The following MALT1 variants were observed in gnomAD, a reference collection of about 807,000 sequenced individuals.
MALT1 encodes the protein MALT1 paracaspase.
Under a neutral mutation model 85.5 loss-of-function variants are expected in MALT1, and 36 were observed. That is an observed-to-expected ratio of 0.42 (90% CI 0.32 to 0.56). The LOEUF is 0.56. Ranked by LOEUF, MALT1 falls within the 20% of genes least tolerant of loss-of-function variation. The pLI, the probability that MALT1 is intolerant of heterozygous loss-of-function variation, is 0.10. For synonymous variants in MALT1, 359 were observed against 361.3 expected (o/e 0.99, Z 0.07); for missense variants, 716 against 981.6 (o/e 0.73, Z 3.62).
chr18:58,697,070 A>C (rs1257034163), intron 3 of MALT1: 1 of 151,928 alleles, frequency 6.6e-6, no homozygotes, highest in Non-Finnish European at 1.5e-5. Context: ...GCCATCTTGC[A>C]CTGGGGATTT....
chr18:58,671,579 C>G lies in MALT1; in HGVS notation c.-65C>G, dbSNP rs1352952726. 2.7e-6 allele frequency: 3 copies of G among 1,102,438 alleles called. No homozygotes were observed. The highest frequency in any genetic ancestry group is 3.4e-6 in the Non-Finnish European group (3 of 876,998). The allele number at this position is 1,102,438 out of a possible 1,614,324, so 68.3% of individuals were successfully genotyped here. On this transcript the variant is annotated 5_prime_UTR_variant, in exon 1 of 17. Coordinates refer to ENST00000649217, the MANE Select transcript of MALT1 (RefSeq NM_006785.4). ...GGCTCGGAGGCGAGCGGAAGGTGCC[C>G]CGGGGCCGAGGCCCGTGACGGGGCG... is the stretch of plus-strand genomic sequence containing the variant.
intron 2 of MALT1, among the ~76,000 whole-genome samples, chr18:58,686,771 G>T (rs1326219640): frequency 2.6e-5 from 4 of 152,140 alleles, no homozygotes; most frequent in Non-Finnish European, 5.9e-5. Flanking sequence ...TAAGTGCAAA[G>T]GTTGTTTAAT....
intron 3 of MALT1, among the ~76,000 whole-genome samples, 165 bp downstream of exon 3, chr18:58,696,652 G>GTT (rs1316511166): frequency 6.6e-6 from 1 of 152,172 alleles, no homozygotes; most frequent in Non-Finnish European, 1.5e-5. Flanking sequence ...TGGTAAGACA[G>GTT]TTCCAGAATT....
chr18:58,729,879 C>A (rs1357967160), intron 10 of MALT1, among the ~76,000 whole-genome samples: 1 of 152,144 alleles, frequency 6.6e-6, no homozygotes, highest in African/African-American at 2.4e-5. Context: ...TCAGGAAAAG[C>A]CAGTATGTGA....
intron 1 of MALT1, among the ~76,000 whole-genome samples, chr18:58,673,129 T>C (rs952646347): frequency 1.3e-5 from 2 of 152,340 alleles, no homozygotes; most frequent in Non-Finnish European, 2.9e-5. Flanking sequence ...AAACTGTCTC[T>C]TAATATTCTG....
At chr18:58,696,336 A>ATTTT in intron 2 of MALT1, 30 bp from the exon 3 acceptor site, 1 of 1,166,894 alleles carries the variant, frequency 8.6e-7, no homozygotes, top group Non-Finnish European at 1.1e-6. Context: ...TTGTGACTTT[A>ATTTT]ATTTTTTTTT....
intron 13 of MALT1, among the ~76,000 whole-genome samples, chr18:58,736,462 A>C (rs1416424064): frequency 2.6e-5 from 4 of 152,190 alleles, no homozygotes; most frequent in African/African-American, 9.6e-5. Context: ...AAAAGAAAGA[A>C]AGAAAACCTT....
intron 4 of MALT1, among the ~76,000 whole-genome samples, chr18:58,706,579 A>C (rs748390986): frequency 6.6e-6 from 1 of 152,238 alleles, no homozygotes; most frequent in Non-Finnish European, 1.5e-5. Context: ...TTCTGGCTGA[A>C]GAATTCCTCT....
intron 2 of MALT1, chr18:58,692,002 C>T: frequency 6.8e-6 from 1 of 147,488 alleles, no homozygotes; most frequent in Middle Eastern, 3.4e-3. Context: ...CAAGATCGCG[C>T]CACTGCACTC....
chr18:58,706,661 T>C (rs2054756446), intron 4 of MALT1, among the ~76,000 whole-genome samples: 1 of 152,212 alleles, frequency 6.6e-6, no homozygotes, highest in Admixed American at 6.5e-5. Flanking sequence ...TAATAATTTG[T>C]AGACAAATTA....
Position 58,751,966 on chromosome 18 carries a change from C to G in MALT1, c.*4124C>G, listed in dbSNP as rs1238876271. The stretch of plus-strand genomic sequence containing the variant: ...GAAAGCCTTTAAAGAAGAATCCTGG[C>G]ACAGAAAAGGTCCATTTAGACATTG... On this transcript the variant is annotated 3_prime_UTR_variant, in exon 17 of 17. Transcript: ENST00000649217. 1 of 152,198 alleles carries G rather than the reference C, an allele frequency of 6.6e-6. No homozygotes were observed. Among genetic ancestry groups the G allele is most frequent in the Non-Finnish European group, 1.5e-5 (1 of 68,020 alleles). The allele number at this position is 152,198 out of a possible 1,614,324, so 9.4% of individuals were successfully genotyped here. A position where few individuals can be genotyped will look rare whatever the true frequency, so the allele number is the denominator to read the frequency against.
At chr18:58,723,333 A>T (rs2144424081) in intron 10 of MALT1, 82 bp downstream of exon 10, 1 of 1,007,256 alleles carries the variant, frequency 9.9e-7, no homozygotes, top group East Asian at 2.6e-5. Flanking sequence ...TGAAAATCAG[A>T]TAAAGATAAG....
At chr18:58,689,494 A>G (rs2144331933) in intron 2 of MALT1, among the ~76,000 whole-genome samples, 1 of 152,352 alleles carries the variant, frequency 6.6e-6, no homozygotes, top group Non-Finnish European at 1.5e-5. Flanking sequence ...TTGAACACCC[A>G]CTAACACCCA....
rs181421683 is a variant in MALT1, at chr18:58,684,639, T to G, written c.376+3303T>G. On this transcript the variant is annotated intron_variant, in intron 2 of 16. Transcript: ENST00000649217. ...TTTTGTATTTTTAGTAGAGATGGGG[T>G]TTCTCCATGTTGATCAGGCTGGTTT... Among the ~76,000 whole-genome samples, 566 of 151,906 alleles carry G rather than the reference T, an allele frequency of 3.7e-3. 4 individuals are homozygous for G. Among genetic ancestry groups the G allele is most frequent in the African/African-American group, 0.013 (552 of 41,412 alleles).
intron 10 of MALT1, among the ~76,000 whole-genome samples, chr18:58,723,842 T>G (rs1180028457): frequency 6.6e-6 from 1 of 152,238 alleles, no homozygotes; most frequent in African/African-American, 2.4e-5. Context: ...TCCCCATTCT[T>G]TCACCTAAAT....
At chr18:58,725,120 A>G (rs970954324) in intron 10 of MALT1, among the ~76,000 whole-genome samples, 9 of 149,042 alleles carry the variant, frequency 6.0e-5, no homozygotes, top group African/African-American at 2.2e-4. Context: ...ACAGAGCAAG[A>G]CTCCGTCTCA....
At chr18:58,681,816 T>A (rs1256890682) in intron 2 of MALT1, among the ~76,000 whole-genome samples, 2 of 152,216 alleles carry the variant, frequency 1.3e-5, no homozygotes, top group Non-Finnish European at 2.9e-5. Context: ...GTTGATTAAC[T>A]CAACCTTGTA....
At chr18:58,746,019 CTTTTT>C (rs2055362206) in intron 16 of MALT1, among the ~76,000 whole-genome samples, 1 of 151,814 alleles carries the variant, frequency 6.6e-6, no homozygotes, top group East Asian at 1.9e-4. Context: ...AGAGTATATT[CTTTTT>C]TCTTTTTTTA....
At chr18:58,687,802 G>C (rs1216017978) in intron 2 of MALT1, among the ~76,000 whole-genome samples, 1 of 152,182 alleles carries the variant, frequency 6.6e-6, no homozygotes, top group Admixed American at 6.5e-5. Flanking sequence ...TATAATTTCA[G>C]CAGGGTTTTA....
Sources: allele counts gnomAD v4.1 joint callset (sites outside exome capture counted in the v4.1 genomes callset), GRCh38; gene constraint gnomAD v4.1.1; transcripts MANE v1.5; gene names NCBI Gene and HGNC (gene_info 2026-07-23, HGNC 2026-07-21).